The following TNRC6C variants were observed in gnomAD, a reference collection of about 807,000 sequenced individuals.
The protein encoded by TNRC6C is trinucleotide repeat containing adaptor 6C, also known as trinucleotide repeat-containing gene 6C protein.
Under a neutral mutation model 153.7 loss-of-function variants are expected in TNRC6C, and 20 were observed. That is an observed-to-expected ratio of 0.13 (90% CI 0.09 to 0.19). TNRC6C has a LOEUF of 0.19. Among genes scored for constraint, TNRC6C ranks in the 10% least tolerant of loss-of-function variants. The pLI is 1.00. For missense variants in TNRC6C, 1,987 were observed against 2,172.0 expected (o/e 0.91, Z 1.69); for synonymous variants, 811 against 841.4 (o/e 0.96, Z 0.63).
chr17:78,072,586 A>G (rs1182990988), intron 6 of TNRC6C, among the ~76,000 whole-genome samples: 1 of 152,170 alleles, frequency 6.6e-6, no homozygotes, highest in Non-Finnish European at 1.5e-5. Context: ...TCAGTGTTGT[A>G]CAGAATGATT....
At chr17:78,035,029 G>A (rs2072151940) in intron 2 of TNRC6C, among the ~76,000 whole-genome samples, 1 of 152,084 alleles carries the variant, frequency 6.6e-6, no homozygotes, top group Non-Finnish European at 1.5e-5. Flanking sequence ...GTGAGGACTT[G>A]GAAACTAGAA....
chr17:78,008,310 A>G (rs1470405856), intron 1 of TNRC6C: 1 of 152,190 alleles, frequency 6.6e-6, no homozygotes, highest in East Asian at 1.9e-4. Flanking sequence ...CTGAACAGAA[A>G]TTTTGTTCCT....
chr17:78,030,807 T>G (rs2072056559), intron 1 of TNRC6C, among the ~76,000 whole-genome samples: 1 of 152,084 alleles, frequency 6.6e-6, no homozygotes, highest in Admixed American at 6.6e-5. Context: ...TTGTTAGAAA[T>G]GCAAATTCCG....
rs955200752 is a variant in TNRC6C at position 78,104,720 on chromosome 17, G to A, written c.4948G>A (p.Gly1650Arg). 9 of 1,534,852 alleles carry A rather than the reference G, an allele frequency of 5.9e-6. No individual in the cohort carries two copies. The highest frequency in any genetic ancestry group is 2.4e-5 in the South Asian group (2 of 83,314). ...GGGGAGCAGTGAGCTGCTGTGGGGC[G>A]GGGTGCCCCAGTACTCCAGCAGCCT... Residue 1650 changes from glycine (G) to arginine (R), a missense_variant, in exon 20 of 20, where the codon GGG becomes AGG. Physicochemically the swap from Gly to Arg is moderately radical, Grantham distance 125. Transcript: ENST00000301624. This position sits in a 1 kb window ranked among gnomAD's most constrained non-coding sequence, Gnocchi z 6.2.
chr17:78,020,524 A>G (rs978557264), intron 1 of TNRC6C, among the ~76,000 whole-genome samples: 3 of 152,238 alleles, frequency 2.0e-5, no homozygotes, highest in African/African-American at 7.2e-5. Context: ...GCGGTTTCTG[A>G]GAAACTAGCT....
chr17:77,998,376 C>T (rs2071361528), intron 1 of TNRC6C, among the ~76,000 whole-genome samples: 2 of 152,168 alleles, frequency 1.3e-5, no homozygotes, highest in African/African-American at 4.8e-5. Flanking sequence ...ATGTATATCA[C>T]CAAATATGGG....
At chr17:78,036,630 G>A (rs2072184204) in intron 2 of TNRC6C, among the ~76,000 whole-genome samples, 1 of 152,096 alleles carries the variant, frequency 6.6e-6, no homozygotes, top group Non-Finnish European at 1.5e-5. Flanking sequence ...AATTAGAGAA[G>A]AGACTTACAT....
intron 1 of TNRC6C, among the ~76,000 whole-genome samples, chr17:78,011,036 A>T (rs756853474): frequency 6.6e-6 from 1 of 152,242 alleles, no homozygotes; most frequent in African/African-American, 2.4e-5. Context: ...TCTCTGTTTC[A>T]TATAACTTTT....
At chr17:77,976,710 C>T (rs188378539) in intron 1 of TNRC6C, among the ~76,000 whole-genome samples, 64 of 152,192 alleles carry the variant, frequency 4.2e-4, no homozygotes, top group African/African-American at 1.5e-3. Flanking sequence ...AGGTGGATCA[C>T]CTGAGGTCAG....
chr17:78,056,704 A>G (rs889432687), intron 3 of TNRC6C, among the ~76,000 whole-genome samples: 5 of 151,738 alleles, frequency 3.3e-5, no homozygotes, highest in Non-Finnish European at 7.4e-5. Context: ...TGACCTTGTG[A>G]TCAGCCAGCC....
chr17:78,101,743 A>G (rs911764571), intron 17 of TNRC6C, among the ~76,000 whole-genome samples: 8 of 152,116 alleles, frequency 5.3e-5, no homozygotes, highest in Non-Finnish European at 8.8e-5. Context: ...CAACAGGAGC[A>G]TATCCTTAAG....
intron 17 of TNRC6C, among the ~76,000 whole-genome samples, chr17:78,099,726 C>G (rs1468567913): frequency 6.6e-6 from 1 of 152,196 alleles, no homozygotes; most frequent in Non-Finnish European, 1.5e-5. Flanking sequence ...AATCTCATGT[C>G]CTCACATTTC....
At chr17:77,972,961 A>C (rs1198302247) in intron 1 of TNRC6C, among the ~76,000 whole-genome samples, 2 of 152,234 alleles carry the variant, frequency 1.3e-5, no homozygotes, top group Admixed American at 6.5e-5. Context: ...GCTGGAGTGC[A>C]ATGGCACGAT....
chr17:78,078,301 G>A (rs2073119224), intron 9 of TNRC6C, among the ~76,000 whole-genome samples: 1 of 152,222 alleles, frequency 6.6e-6, no homozygotes, highest in Admixed American at 6.5e-5. Flanking sequence ...GTGCCTCTCA[G>A]GCGGCTGTTC....
chr17:77,996,863 A>G (rs1000664869), intron 1 of TNRC6C, among the ~76,000 whole-genome samples: 1 of 152,172 alleles, frequency 6.6e-6, no homozygotes, highest in Admixed American at 6.5e-5. Context: ...AGAAGTCCAC[A>G]GATTGTGGGT....
intron 14 of TNRC6C, 142 bp downstream of exon 16, chr17:78,091,749 G>T: frequency 1.0e-6 from 1 of 961,248 alleles, no homozygotes; most frequent in Non-Finnish European, 1.4e-6. Context: ...CCATTATAGT[G>T]CATATAAGAT....
chr17:78,072,366 T>A (rs1364821668), intron 6 of TNRC6C, among the ~76,000 whole-genome samples: 1 of 152,244 alleles, frequency 6.6e-6, no homozygotes, highest in African/African-American at 2.4e-5. Context: ...AAGTTGTTGA[T>A]GGTGGAGCCT....
In TNRC6C at chr17:78,079,686, T is replaced by A; in HGVS notation, c.3357+145T>A. On this transcript the variant is annotated intron_variant, in intron 10 of 19. Transcript: ENST00000301624. The surrounding 1 kb of genome is among the most constrained non-coding windows in gnomAD (Gnocchi z 4.3). ...AGAAGGCCTTCTGGTTTTTAACCTA[T>A]AAATTAATTTTAGACTATAAAGTAG... The A allele has an allele frequency of 9.1e-7, 1 of 1,100,296 alleles. No individual in the cohort carries two copies. The highest frequency in any genetic ancestry group is 1.3e-6 in the Non-Finnish European group (1 of 792,818). The allele number at this position is 1,100,296 out of a possible 1,614,324, so 68.2% of individuals were successfully genotyped here. A position where few individuals can be genotyped will look rare whatever the true frequency, so the allele number is the denominator to read the frequency against.
intron 1 of TNRC6C, among the ~76,000 whole-genome samples, chr17:78,009,409 AAATTT>A (rs2071582724): frequency 6.6e-6 from 1 of 152,080 alleles, no homozygotes; most frequent in African/African-American, 2.4e-5. Context: ...ATAAATGTGA[AAATTT>A]AATTCAGTGC....
Sources: allele counts gnomAD v4.1 joint callset (sites outside exome capture counted in the v4.1 genomes callset), GRCh38; gene constraint gnomAD v4.1.1; non-coding constraint Gnocchi (gnomAD v3.1); transcripts MANE v1.5; gene names NCBI Gene and HGNC (gene_info 2026-07-23, HGNC 2026-07-21).